Variants in PRKCH observed in about 807,000 individuals in gnomAD.
PRKCH encodes protein kinase C eta type.
Under a neutral mutation model 82.5 loss-of-function variants are expected in PRKCH, and 28 were observed. That is an observed-to-expected ratio of 0.34 (90% CI 0.25 to 0.47). The LOEUF (loss-of-function observed/expected upper bound fraction) is 0.47, where lower values mean the gene tolerates loss of function less well. Among genes scored for constraint, PRKCH ranks in the 20% least tolerant of loss-of-function variants. The pLI is 1.00. For missense variants in PRKCH, 705 were observed against 881.8 expected, an observed-to-expected ratio of 0.80 and a Z score of 2.54; for synonymous variants, 322 against 327.4, an observed-to-expected ratio of 0.98 and a Z score of 0.18.
chr14:61,341,949 C>G (rs1594929220), intron 1 of PRKCH, among the ~76,000 whole-genome samples: 1 of 152,160 alleles, frequency 6.6e-6, no homozygotes, highest in East Asian at 1.9e-4. Context: ...CTGGTAGGTG[C>G]TGAGTAAATG....
intron 1 of PRKCH, among the ~76,000 whole-genome samples, chr14:61,247,640 G>A (rs2044897283): frequency 6.9e-6 from 1 of 145,292 alleles, no homozygotes; most frequent in Admixed American, 7.2e-5. Context: ...GGAGGCTGAG[G>A]CAGGAGAATC....
At chr14:61,302,047 A>G (rs754036423) in intron 1 of PRKCH, among the ~76,000 whole-genome samples, 2 of 152,236 alleles carry the variant, frequency 1.3e-5, no homozygotes, top group Non-Finnish European at 2.9e-5. Flanking sequence ...TTTCTTTAAC[A>G]GAGACAGGGC....
chr14:61,417,212 A>C (rs1882603186), intron 2 of PRKCH, among the ~76,000 whole-genome samples: 1 of 152,164 alleles, frequency 6.6e-6, no homozygotes, highest in Non-Finnish European at 1.5e-5. Flanking sequence ...ACTGCTCCTT[A>C]AGGATAGACG....
chr14:61,230,792 T>C (rs1385233457), intron 1 of PRKCH, among the ~76,000 whole-genome samples: 1 of 152,210 alleles, frequency 6.6e-6, no homozygotes. Context: ...TTCAGAACTC[T>C]GCCCTCAGGA....
At chr14:61,339,224 C>A (rs1244337216) in intron 1 of PRKCH, among the ~76,000 whole-genome samples, 1 of 152,134 alleles carries the variant, frequency 6.6e-6, no homozygotes. Flanking sequence ...TAGCCCTCCA[C>A]CTGCTCTGCC....
Position 61,549,700 on chromosome 14 carries a change from G to A in PRKCH, c.1921G>A (p.Val641Ile), listed in dbSNP as rs1337779802. ...TTTTTGGCAGAAATCCCGAGAAGAT[G>A]TCAGTAATTTTGACCCTGACTTCAT... ...FRPRIKSREDVSNFDPDFIKE... is the reference protein window; with the variant it reads ...FRPRIKSREDISNFDPDFIKE... The change falls in exon 14 of 14, where the codon GTC becomes ATC. Residue 641 changes from valine (V) to isoleucine (I), a missense_variant. Around this residue, in one of 5 missense-constraint regions of PRKCH, gnomAD observed 91 missense variants for 81.2 expected, o/e 1.12. Coordinates refer to ENST00000332981, the MANE Select transcript of PRKCH (RefSeq NM_006255.5). The A allele has an allele frequency of 1.9e-6, 3 of 1,611,286 alleles. No homozygotes were observed. The highest frequency in any genetic ancestry group is 3.4e-5 in the Admixed American group (2 of 59,578).
chr14:61,249,060 C>G (rs959046335), intron 1 of PRKCH, among the ~76,000 whole-genome samples: 8 of 152,124 alleles, frequency 5.3e-5, no homozygotes. Flanking sequence ...CCTCGGCCTC[C>G]CAAAATGCTG....
intron 1 of PRKCH, chr14:61,303,501 C>G (rs976631392): frequency 2.0e-5 from 3 of 152,092 alleles, no homozygotes; most frequent in African/African-American, 4.8e-5. Context: ...AATAGTATAT[C>G]AATACCAGGT....
At chr14:61,331,216 T>G (rs1289037179) in intron 1 of PRKCH, among the ~76,000 whole-genome samples, 1 of 152,204 alleles carries the variant, frequency 6.6e-6, no homozygotes, top group Non-Finnish European at 1.5e-5. Flanking sequence ...ATGCATTAGT[T>G]TAGATATATA....
At chr14:61,210,096 A>AAAC (rs2044558383) in intron 1 of PRKCH, among the ~76,000 whole-genome samples, 1 of 120,804 alleles carries the variant, frequency 8.3e-6, no homozygotes, top group African/African-American at 3.0e-5. Context: ...AAAAAACAAA[A>AAAC]CAAACAAACA....
intron 10 of PRKCH, among the ~76,000 whole-genome samples, chr14:61,505,390 C>CTTTTTTTTTTTTTT (rs1333577962): frequency 1.3e-5 from 1 of 74,752 alleles, no homozygotes; most frequent in Non-Finnish European, 2.6e-5. Context: ...CTTTTCTTTT[C>CTTTTTTTTTTTTTT]TTTTCTTTTT....
chr14:61,363,745 TGAA>T lies in PRKCH; in HGVS notation c.364-27475_364-27473del, dbSNP rs549405785. On this transcript the variant is annotated intron_variant, in intron 1 of 13. Coordinates refer to ENST00000332981, the MANE Select transcript of PRKCH (RefSeq NM_006255.5). Reference sequence around the variant, plus strand: ...TGGTGCCCAAAGAGAACTCTGAGGATGAAGAAGGCAACGGGCAGGGGATGGAGT... The same window carrying T: ...TGGTGCCCAAAGAGAACTCTGAGGATGAAGGCAACGGGCAGGGGATGGAGT... Among the ~76,000 whole-genome samples the T allele has an allele frequency of 1.7e-3, 257 of 150,202 alleles. 5 individuals are homozygous for T. Among genetic ancestry groups the T allele is most frequent in the African/African-American group, 6.1e-3 (244 of 40,026 alleles).
chr14:61,478,960 A>C (rs1885847547), intron 9 of PRKCH, among the ~76,000 whole-genome samples: 1 of 152,222 alleles, frequency 6.6e-6, no homozygotes, highest in African/African-American at 2.4e-5. Context: ...GCTATGCAAA[A>C]AAAAGAACTA....
chr14:61,233,190 G>C (rs1555370423), intron 1 of PRKCH, among the ~76,000 whole-genome samples: 1 of 152,066 alleles, frequency 6.6e-6, no homozygotes, highest in African/African-American at 2.4e-5. Flanking sequence ...AAAAGCCAGA[G>C]TGTCAGCCTG....
chr14:61,496,812 A>G (rs1199319747), intron 10 of PRKCH, among the ~76,000 whole-genome samples: 1 of 152,160 alleles, frequency 6.6e-6, no homozygotes, highest in Non-Finnish European at 1.5e-5. Context: ...AGAATATATT[A>G]TGATTGCTAC....
chr14:61,526,852 A>G (rs1338563795), intron 10 of PRKCH, among the ~76,000 whole-genome samples: 1 of 152,246 alleles, frequency 6.6e-6, no homozygotes, highest in Non-Finnish European at 1.5e-5. Context: ...ACAAAGCTCC[A>G]GGCCACCTAG....
At chr14:61,429,071 A>G (rs1883267258) in intron 2 of PRKCH, among the ~76,000 whole-genome samples, 1 of 152,214 alleles carries the variant, frequency 6.6e-6, no homozygotes, top group Non-Finnish European at 1.5e-5. Context: ...GCAAGAGGGA[A>G]TTACCTCTGA....
chr14:61,443,130 G>T lies in PRKCH; in HGVS notation c.447G>T (p.Arg149=). The T allele has an allele frequency of 6.2e-7, 1 of 1,613,780 alleles. No individual in the cohort carries two copies. Among genetic ancestry groups the T allele is most frequent in the Non-Finnish European group, 8.5e-7 (1 of 1,179,836 alleles). Residue 149 remains arginine, a synonymous_variant, in exon 3 of 14, where the codon CGG becomes CGT. Coordinates refer to ENST00000332981, the MANE Select transcript of PRKCH (RefSeq NM_006255.5). Reference sequence around the variant, plus strand: ...ATATAGCTACTCTCCAGAGAGACCGGATCTTCAAACATTTTACCAGGAAGC... The same window carrying T: ...ATATAGCTACTCTCCAGAGAGACCGTATCTTCAAACATTTTACCAGGAAGC... The part of the protein sequence containing the change: ...SFTEATLQRD[R]IFKHFTRKRQ...
chr14:61,210,022 A>AG (rs2044557252), intron 1 of PRKCH, among the ~76,000 whole-genome samples: 1 of 150,590 alleles, frequency 6.6e-6, no homozygotes, highest in Non-Finnish European at 1.5e-5. Flanking sequence ...GTGGATCACG[A>AG]GGTCAGGAGT....
Sources: gnomAD v4.1 joint callset for allele counts (sites outside exome capture counted in the v4.1 genomes callset) on GRCh38, gnomAD v4.1.1 for gene constraint, gnomAD v4.1.1 regional missense constraint, MANE v1.5 for transcripts, NCBI Gene and HGNC (gene_info 2026-07-23, HGNC 2026-07-21) for gene names.